The following MTFR1 variants were observed in gnomAD, a reference collection of about 807,000 sequenced individuals.
MTFR1 encodes chondrocyte protein with a poly-proline region.
A neutral mutation model predicts 38.8 loss-of-function variants in MTFR1; 28 were observed. That is an observed-to-expected ratio of 0.72 (90% CI 0.53 to 0.99). The LOEUF is 0.99. MTFR1 is among the 50% of genes least tolerant of loss of function. The probability of loss-of-function intolerance (pLI) is 0.00; values close to 1 mark genes in which losing one functional copy is unlikely to be tolerated. For missense variants in MTFR1, 358 were observed against 395.5 expected (o/e 0.91, Z 0.81); for synonymous variants, 145 against 137.0 (o/e 1.06, Z -0.41).
chr8:65,761,165 A>T, intron 3 of MTFR1, among the ~76,000 whole-genome samples: 1 of 151,936 alleles, frequency 6.6e-6, no homozygotes, highest in East Asian at 1.9e-4. Flanking sequence ...GTCCTGATTC[A>T]AGCAATTCTC....
chr8:65,734,877 A>G, intron 3 of MTFR1: 1 of 1,606,238 alleles, frequency 6.2e-7, no homozygotes, highest in East Asian at 2.2e-5. Context: ...TGACTGTGGT[A>G]ATCTTCTTGA....
At chr8:65,745,207 G>A (rs1357811218) in intron 3 of MTFR1, among the ~76,000 whole-genome samples, 7 of 152,184 alleles carry the variant, frequency 4.6e-5, no homozygotes, top group African/African-American at 1.7e-4. Context: ...ATGGAACTAT[G>A]AGTCCATTAA....
chr8:65,735,697 A>G (rs1179394216), intron 3 of MTFR1, among the ~76,000 whole-genome samples: 1 of 152,102 alleles, frequency 6.6e-6, no homozygotes, highest in African/African-American at 2.4e-5. Flanking sequence ...GATCTCAGCT[A>G]ACTGTGCAAC....
intron 3 of MTFR1, chr8:65,726,814 T>C: frequency 1.2e-6 from 1 of 858,582 alleles, no homozygotes; most frequent in South Asian, 1.5e-5. Flanking sequence ...TTTATAAAAT[T>C]ACTTTGCCAA....
chr8:65,696,052 G>C (rs1805431646), intron 4 of MTFR1, among the ~76,000 whole-genome samples: 1 of 152,158 alleles, frequency 6.6e-6, no homozygotes, highest in Non-Finnish European at 1.5e-5. Context: ...TATTGAAGAG[G>C]AGTAGTGATC....
intron 5 of MTFR1, among the ~76,000 whole-genome samples, chr8:65,706,336 A>G (rs567167737): frequency 2.5e-4 from 38 of 152,332 alleles, no homozygotes; most frequent in African/African-American, 7.7e-4. Context: ...CACCTCCCCA[A>G]TCAAACTAGT....
At chr8:65,704,546 C>T in intron 4 of MTFR1, 148 bp from the exon 5 acceptor site, 1 of 625,462 alleles carries the variant, frequency 1.6e-6, no homozygotes, top group South Asian at 2.0e-5. Context: ...AAATGCTTTG[C>T]TGTTTTTGTC....
intron 1 of MTFR1, among the ~76,000 whole-genome samples, chr8:65,647,836 C>G (rs894133376): frequency 1.3e-5 from 2 of 151,984 alleles, no homozygotes; most frequent in Non-Finnish European, 1.5e-5. Flanking sequence ...TAATCCTACC[C>G]TTTAAAGATA....
At chr8:65,706,508 G>T (rs1479200528) in intron 5 of MTFR1, among the ~76,000 whole-genome samples, 1 of 152,084 alleles carries the variant, frequency 6.6e-6, no homozygotes, top group African/African-American at 2.4e-5. Flanking sequence ...ACCTGCCTTG[G>T]CCTCCTAAAG....
intron 3 of MTFR1, among the ~76,000 whole-genome samples, chr8:65,735,557 T>C (rs1237305312): frequency 6.6e-6 from 1 of 152,172 alleles, no homozygotes; most frequent in South Asian, 2.1e-4. Flanking sequence ...GGAGTCCACC[T>C]GCCTTGGCCT....
chr8:65,703,884 C>T (rs1805697421), intron 4 of MTFR1, among the ~76,000 whole-genome samples: 1 of 152,038 alleles, frequency 6.6e-6, no homozygotes, highest in South Asian at 2.1e-4. Flanking sequence ...GATAGCAAAA[C>T]AGATTGGTTT....
chr8:65,731,551 T>C (rs1029364207), intron 3 of MTFR1: 1 of 152,206 alleles, frequency 6.6e-6, no homozygotes, highest in Non-Finnish European at 1.5e-5. Context: ...CTGACAACTA[T>C]GAATGTTACC....
chr8:65,693,846 T>C, intron 4 of MTFR1, 87 bp downstream of exon 4: 1 of 949,120 alleles, frequency 1.1e-6, no homozygotes. Flanking sequence ...TTTAATAGCC[T>C]AATTTTATCT....
intron 4 of MTFR1, among the ~76,000 whole-genome samples, chr8:65,700,538 A>G (rs1198413793): frequency 1.3e-5 from 2 of 152,114 alleles, no homozygotes; most frequent in African/African-American, 4.8e-5. Context: ...TTTTTAACTA[A>G]CAGAAGCATT....
intron 3 of MTFR1, among the ~76,000 whole-genome samples, chr8:65,762,584 A>G (rs1464822638): frequency 6.6e-6 from 1 of 152,218 alleles, no homozygotes; most frequent in East Asian, 1.9e-4. Context: ...TAGGCCCCAC[A>G]AGACTGTTAA....
chr8:65,750,422 C>CTG (rs960978662), intron 3 of MTFR1, among the ~76,000 whole-genome samples: 35 of 150,396 alleles, frequency 2.3e-4, no homozygotes, highest in African/African-American at 7.9e-4. Context: ...ATTAGGATTG[C>CTG]TGTGTGTGTG....
chr8:65,746,727 A>G (rs988859230), intron 3 of MTFR1, among the ~76,000 whole-genome samples: 6 of 152,218 alleles, frequency 3.9e-5, no homozygotes, highest in Non-Finnish European at 7.3e-5. Flanking sequence ...AACAAATGAC[A>G]TAGAGATCAA....
chr8:65,648,912 A>AT (rs1809041605), intron 1 of MTFR1, among the ~76,000 whole-genome samples: 1 of 151,930 alleles, frequency 6.6e-6, no homozygotes, highest in South Asian at 2.1e-4. Context: ...TATTTTATTA[A>AT]TTTTTTTCAC....
At chr8:65,659,643 A>T (rs1809358296) in intron 1 of MTFR1, among the ~76,000 whole-genome samples, 1 of 152,164 alleles carries the variant, frequency 6.6e-6, no homozygotes, top group African/African-American at 2.4e-5. Context: ...GATGTGAGTT[A>T]TTGATTAGAT....
Sources: allele counts gnomAD v4.1 joint callset (sites outside exome capture counted in the v4.1 genomes callset), GRCh38; gene constraint gnomAD v4.1.1; transcripts MANE v1.5; gene names NCBI Gene and HGNC (gene_info 2026-07-23, HGNC 2026-07-21).